The following TSC1 variants were observed in gnomAD, a reference collection of about 807,000 sequenced individuals.
TSC1 encodes the protein TSC complex subunit 1, also known as hamartin.
In TSC1, 20 loss-of-function variants were observed where a neutral mutation model predicts 124.3. That is an observed-to-expected ratio of 0.16 (90% CI 0.11 to 0.23). The LOEUF is 0.23. Ranked by LOEUF, TSC1 falls within the 10% of genes least tolerant of loss-of-function variation. The pLI, the probability that TSC1 is intolerant of heterozygous loss-of-function variation, is 1.00. For synonymous variants in TSC1, 493 were observed against 539.1 expected (o/e 0.91, Z 1.19); for missense variants, 1,124 against 1,448.5 (o/e 0.78, Z 3.64).
At chr9:132,911,180 C>G in intron 10 of TSC1, 67 bp from the exon 11 acceptor site, 1 of 1,287,770 alleles carries the variant, frequency 7.8e-7, no homozygotes, top group Non-Finnish European at 1.1e-6. Context: ...GGTTTATATC[C>G]ATGGCCAGTG....
chr9:132,916,703 C>A (rs1020251055), intron 8 of TSC1, among the ~76,000 whole-genome samples: 3 of 152,150 alleles, frequency 2.0e-5, no homozygotes, highest in African/African-American at 7.2e-5. Context: ...TGAAACAATG[C>A]CTAATATAAC....
chr9:132,901,921 G>T (rs141011030), intron 18 of TSC1: 9 of 535,190 alleles, frequency 1.7e-5, no homozygotes, highest in Non-Finnish European at 2.7e-5. Context: ...TAGATCCTCA[G>T]TTCCCAAACT....
Position 132,902,653 on chromosome 9 carries a change from C to G in TSC1, c.2343G>C (p.Gln781His), listed in dbSNP as rs2131731368. The change falls in exon 18 of 23, where the codon CAG (glutamine) becomes CAC (histidine). Residue 781 changes from glutamine (Q) to histidine (H), a missense_variant. Coordinates refer to ENST00000298552, the MANE Select transcript of TSC1 (RefSeq NM_000368.5). This position sits in a 1 kb window ranked among gnomAD's most constrained non-coding sequence, Gnocchi z 5.2. The stretch of plus-strand genomic sequence containing the variant: ...AGAATTCCTCTCGGTCATGCTGCAG[C>G]TGTCTGATCTGGCTGTGGAGCTTGG... ...MVTKLHSQIR[Q>H]LQHDREEFYN... 6.2e-7 allele frequency: 1 copy of G among 1,614,206 alleles called. No individual in the cohort carries two copies. Among genetic ancestry groups the G allele is most frequent in the Non-Finnish European group, 8.5e-7 (1 of 1,180,040 alleles).
In TSC1 at chr9:132,927,260, C is replaced by G. The variant is rs1564503320; in HGVS notation, c.151G>C (p.Glu51Gln). The G allele has an allele frequency of 6.2e-7, 1 of 1,614,000 alleles. No homozygotes were observed. The highest frequency in any genetic ancestry group is 8.5e-7 in the Non-Finnish European group (1 of 1,179,952). Residue 51 changes from glutamate (E) to glutamine (Q), a missense_variant, in exon 4 of 23, where the codon GAA becomes CAA. Glu to Gln is a conservative substitution (Grantham distance 29). This residue lies in a region of TSC1 where 463 missense variants were observed against 606.8 expected (regional missense o/e 0.76). Transcript: ENST00000298552. ...TGCAATGCCGGCTGAGAGCTGGTTT[C>G]CAGGTAATAATCCACCAAGGTGTTT... ...LVNTLVDYYL[E>Q]TSSQPALHIL... is the part of the protein sequence containing the mutation.
In TSC1 at chr9:132,894,808, T is replaced by G. The variant is rs1027936609; in HGVS notation, c.*1427A>C. On this transcript the variant is annotated 3_prime_UTR_variant, in exon 23 of 23. Coordinates refer to ENST00000298552, the MANE Select transcript of TSC1 (RefSeq NM_000368.5). Reference sequence around the variant, plus strand: ...TCTTTATGACTGAATCCTTCTATTCTTTTTAATGAAAGATAGAAACAGGAA... The same window carrying G: ...TCTTTATGACTGAATCCTTCTATTCGTTTTAATGAAAGATAGAAACAGGAA... 2.6e-5 allele frequency: 6 copies of G among 231,822 alleles called. No individual in the cohort carries two copies. The highest frequency in any genetic ancestry group is 1.2e-3 in the Middle Eastern group (1 of 802). 14.4% of individuals were successfully genotyped at this position (231,822 alleles called of 1,614,324 possible). A position where few individuals can be genotyped will look rare whatever the true frequency, so the allele number is the denominator to read the frequency against.
chr9:132,921,447 T>C lies in TSC1; in HGVS notation c.664-11A>G, dbSNP rs1846550806. Reference sequence around the variant, plus strand: ...ATGCTCCATCATTGGCTAGAAGAGTTGGGTTGACAAATTATAAAGGGCTGA... The same window carrying C: ...ATGCTCCATCATTGGCTAGAAGAGTCGGGTTGACAAATTATAAAGGGCTGA... On this transcript the variant is annotated splice_polypyrimidine_tract_variant and intron_variant, in intron 7 of 22. Coordinates refer to ENST00000298552, the MANE Select transcript of TSC1 (RefSeq NM_000368.5). This position sits in a 1 kb window ranked among gnomAD's most constrained non-coding sequence, Gnocchi z 4.3. The C allele has an allele frequency of 6.2e-7, 1 of 1,614,074 alleles. No individual in the cohort carries two copies.
intron 2 of TSC1, among the ~76,000 whole-genome samples, chr9:132,930,920 T>G (rs138165539): frequency 1.1e-3 from 170 of 152,310 alleles, no homozygotes; most frequent in Middle Eastern, 0.01. Context: ...GTTGGTAAGA[T>G]TCTACCGTAA....
intron 19 of TSC1, 73 bp from the exon 20 acceptor site, chr9:132,900,910 A>C: frequency 6.2e-7 from 1 of 1,606,404 alleles, no homozygotes; most frequent in Non-Finnish European, 8.5e-7. Context: ...TTAAACAGGG[A>C]ATCAGCTAGG....
At chr9:132,920,207 G>A (rs1846475544) in intron 8 of TSC1, among the ~76,000 whole-genome samples, 1 of 152,174 alleles carries the variant, frequency 6.6e-6, no homozygotes, top group Non-Finnish European at 1.5e-5. Flanking sequence ...CAGATGCGCT[G>A]GTCCTCCTCT....
At position 132,892,342 on chromosome 9, in the gene TSC1, G is replaced by C. The variant is rs1006238490; in HGVS notation, c.*3893C>G. The C allele has an allele frequency of 8.6e-6, 2 of 233,248 alleles. No homozygotes were observed. The highest frequency in any genetic ancestry group is 8.5e-6 in the Non-Finnish European group (1 of 118,094). The allele number at this position is 233,248 out of a possible 1,614,324, so 14.4% of individuals were successfully genotyped here. On this transcript the variant is annotated 3_prime_UTR_variant, in exon 23 of 23. Transcript: ENST00000298552. ...GGGGGGCATGTGTCACAGAACTCTG[G>C]ATGTAAACAGATACACAAACATCTT...
chr9:132,913,959 C>T (rs1365932204), intron 8 of TSC1, among the ~76,000 whole-genome samples: 6 of 123,892 alleles, frequency 4.8e-5, no homozygotes, highest in Admixed American at 9.2e-5. Flanking sequence ...AGTTCAGTGG[C>T]GCAATCTCGA....
intron 12 of TSC1, among the ~76,000 whole-genome samples, chr9:132,908,917 T>G (rs997190574): frequency 4.0e-5 from 6 of 151,040 alleles, no homozygotes; most frequent in East Asian, 1.9e-4. Flanking sequence ...TTTTTTTTTT[T>G]TGTGACAGTC....
Position 132,893,091 on chromosome 9 carries a change from T to C in TSC1, c.*3144A>G, listed in dbSNP as rs1384419154. The C allele has an allele frequency of 1.7e-5, 4 of 233,316 alleles. No homozygotes were observed. The highest frequency in any genetic ancestry group is 1.7e-4 in the Admixed American group (3 of 17,796). The allele number at this position is 233,316 out of a possible 1,614,324, so 14.5% of individuals were successfully genotyped here. A position where few individuals can be genotyped will look rare whatever the true frequency, so the allele number is the denominator to read the frequency against. On this transcript the variant is annotated 3_prime_UTR_variant, in exon 23 of 23. Coordinates refer to ENST00000298552, the MANE Select transcript of TSC1 (RefSeq NM_000368.5). ...AGTTTGGACTGTTTCCCCAACCATG[T>C]CACATAAGCTTTGGCTCACAAAGTA...
At chr9:132,944,789 G>GA (rs1041223078), upstream of TSC1, 3 of 394,420 alleles carry the variant, frequency 7.6e-6, no homozygotes, top group African/African-American at 2.1e-5. Flanking sequence ...GGTTGGACGA[G>GA]AAAAAAAGTA....
intron 1 of TSC1, among the ~76,000 whole-genome samples, chr9:132,937,175 G>A (rs1370842336): frequency 2.6e-5 from 4 of 152,230 alleles, no homozygotes; most frequent in African/African-American, 7.2e-5. Flanking sequence ...CAGGTGTGGT[G>A]GCTCACGCCT....
rs1845935791 is a variant in TSC1 at position 132,911,131 on chromosome 9, T to A, written c.1030-18A>T. 1.3e-6 allele frequency: 2 copies of A among 1,591,402 alleles called. No homozygotes were observed. Among genetic ancestry groups the A allele is most frequent in the South Asian group, 2.2e-5 (2 of 90,584 alleles). ...AGAGTAGCCTGGGAAGTTAATAAAG[T>A]ACATCAGCAGTGGCAAAGGAATGCT... On this transcript the variant is annotated intron_variant, in intron 10 of 22. Coordinates refer to ENST00000298552, the MANE Select transcript of TSC1 (RefSeq NM_000368.5).
At chr9:132,926,173 A>G (rs963400906) in intron 4 of TSC1, 2 of 219,256 alleles carry the variant, frequency 9.1e-6, no homozygotes, top group Non-Finnish European at 1.8e-5. Flanking sequence ...AAACAAAAAA[A>G]CAAGACGGGC....
rs1844962499 is a variant in TSC1, at chr9:132,895,070, C to G, written c.*1165G>C. 4.3e-6 allele frequency: 1 copy of G among 232,908 alleles called. No individual in the cohort carries two copies. Among genetic ancestry groups the G allele is most frequent in the Non-Finnish European group, 8.5e-6 (1 of 117,660 alleles). The allele number at this position is 232,908 out of a possible 1,614,324, so 14.4% of individuals were successfully genotyped here. ...CTCTGTTTAGACTGCTCTGCCATTACTAACATGGAGAGTGTGATGACATCA... is the reference window on the plus strand; with the variant it reads ...CTCTGTTTAGACTGCTCTGCCATTAGTAACATGGAGAGTGTGATGACATCA... On this transcript the variant is annotated 3_prime_UTR_variant, in exon 23 of 23. Transcript: ENST00000298552.
In TSC1 at chr9:132,905,604, G is replaced by A. The variant is rs118203608; in HGVS notation, c.1974C>T (p.Asp658=). Residue 658 remains aspartate (D), a synonymous_variant, in exon 15 of 23, where the codon GAC becomes GAT. Transcript: ENST00000298552. ...VLDRLIQQGA[D]AHSKELNKLP... is the part of the protein sequence containing the mutation. ...ACTTGTTCAGCTCCTTGCTGTGCGCGTCTGCTCCCTGCTGTATCAGTCTGT... is the reference window on the plus strand; with the variant it reads ...ACTTGTTCAGCTCCTTGCTGTGCGCATCTGCTCCCTGCTGTATCAGTCTGT... The A allele has an allele frequency of 6.0e-5, 97 of 1,614,024 alleles. No individual in the cohort carries two copies. The highest frequency in any genetic ancestry group is 1.7e-4 in the Middle Eastern group (1 of 6,038).
Sources: gnomAD v4.1 joint callset for allele counts (sites outside exome capture counted in the v4.1 genomes callset) on GRCh38, gnomAD v4.1.1 for gene constraint, gnomAD v4.1.1 regional missense constraint, Gnocchi (gnomAD v3.1) non-coding constraint, MANE v1.5 for transcripts, NCBI Gene and HGNC (gene_info 2026-07-23, HGNC 2026-07-21) for gene names.